The following MYRFL variants were observed in gnomAD, a reference collection of about 807,000 sequenced individuals.
MYRFL encodes the protein myelin regulatory factor-like protein.
A neutral mutation model predicts 109.4 loss-of-function variants in MYRFL; 88 were observed. The ratio of observed to expected loss-of-function variants is 0.80; its 90% CI spans 0.68 to 0.96. The LOEUF is 0.96. Ranked by LOEUF, MYRFL falls within the 40% of genes least tolerant of loss-of-function variation. The pLI is 0.00. For missense variants in MYRFL, 957 were observed against 954.9 expected, an observed-to-expected ratio of 1.00 and a Z score of -0.03; for synonymous variants, 324 against 320.9, an observed-to-expected ratio of 1.01 and a Z score of -0.10.
At chr12:69,903,240 C>T (rs532963517) in intron 10 of MYRFL, among the ~76,000 whole-genome samples, 2 of 152,132 alleles carry the variant, frequency 1.3e-5, no homozygotes, top group Non-Finnish European at 2.9e-5. Context: ...TTTTATTTAT[C>T]TGACTTTAGT....
intron 5 of MYRFL, among the ~76,000 whole-genome samples, chr12:69,880,949 C>CTGGTTTTT (rs1555246941): frequency 3.3e-5 from 1 of 30,230 alleles, no homozygotes; most frequent in African/African-American, 9.5e-5. Flanking sequence ...GTCAGCCTTC[C>CTGGTTTTT]TGTTTTTTTT....
In MYRFL at chr12:69,958,295, G is replaced by C; in HGVS notation, c.2618G>C (p.Ser873Thr). The C allele has an allele frequency of 6.5e-7, 1 of 1,536,400 alleles. No individual in the cohort carries two copies. The highest frequency in any genetic ancestry group is 8.7e-7 in the Non-Finnish European group (1 of 1,146,962). Reference sequence around the variant, plus strand: ...CTCCCTGTAGCCCCATTTTCTGACAGCATGTTCCATTTCCGTGTAGCTGCA... The same window carrying C: ...CTCCCTGTAGCCCCATTTTCTGACACCATGTTCCATTTCCGTGTAGCTGCA... Reference protein sequence around the residue: ...WSLPVAPFSDSMFHFRVAAPD... With the variant: ...WSLPVAPFSDTMFHFRVAAPD... Residue 873 changes from serine to threonine, a missense_variant, in exon 24 of 25, where the codon AGC becomes ACC. Transcript: ENST00000552032.
rs534440987 is a variant in MYRFL at position 69,845,003 on chromosome 12, G to A, written c.47-10277G>A. 3.3e-5 allele frequency among the ~76,000 whole-genome samples: 5 copies of A among 152,050 alleles called. No homozygotes were observed. The East Asian group carries it at 9.7e-4, about 29-fold the overall frequency. ...CCATGCTCCTGTGCTCTAACCCATTGGATGATTTGTTTCTTGCTACTGCCA... is the reference window on the plus strand; with the variant it reads ...CCATGCTCCTGTGCTCTAACCCATTAGATGATTTGTTTCTTGCTACTGCCA... On this transcript the variant is annotated intron_variant, in intron 1 of 24. Transcript: ENST00000552032.
At chr12:69,942,437 C>T (rs1469744249) in intron 19 of MYRFL, among the ~76,000 whole-genome samples, 1 of 150,578 alleles carries the variant, frequency 6.6e-6, no homozygotes, top group Admixed American at 6.6e-5. Context: ...ACAAAAACCA[C>T]ATGATTATCT....
intron 13 of MYRFL, among the ~76,000 whole-genome samples, chr12:69,923,489 A>T (rs915930927): frequency 6.6e-6 from 1 of 152,142 alleles, no homozygotes; most frequent in Non-Finnish European, 1.5e-5. Context: ...TAGATTTGCT[A>T]GGGTTTTACT....
intron 2 of MYRFL, among the ~76,000 whole-genome samples, chr12:69,864,569 T>C (rs1160365991): frequency 6.6e-6 from 1 of 152,000 alleles, no homozygotes; most frequent in Non-Finnish European, 1.5e-5. Flanking sequence ...TATTACTCTC[T>C]GCCAAGAGAA....
intron 2 of MYRFL, among the ~76,000 whole-genome samples, chr12:69,861,828 C>G (rs1289362964): frequency 2.0e-5 from 3 of 150,830 alleles, no homozygotes; most frequent in Non-Finnish European, 4.5e-5. Flanking sequence ...TTGCCCATGC[C>G]TATGTCCTGA....
At chr12:69,932,414 G>A in intron 15 of MYRFL, 99 bp from the exon 16 acceptor site, 1 of 751,444 alleles carries the variant, frequency 1.3e-6, no homozygotes, top group Non-Finnish European at 2.2e-6. Flanking sequence ...ACTATCCCAA[G>A]AGAGCAGCAA....
chr12:69,909,693 A>T, intron 11 of MYRFL, among the ~76,000 whole-genome samples: 1 of 152,312 alleles, frequency 6.6e-6, no homozygotes, highest in African/African-American at 2.4e-5. Context: ...CCGTAGTGAC[A>T]GTTGGGACAG....
intron 8 of MYRFL, among the ~76,000 whole-genome samples, chr12:69,894,315 G>A (rs1887094786): frequency 6.6e-6 from 1 of 152,078 alleles, no homozygotes; most frequent in Admixed American, 6.5e-5. Flanking sequence ...TAGTATTAAT[G>A]TTAATATTAT....
Position 69,952,117 on chromosome 12 carries a change from C to CA in MYRFL, c.2233dup (p.Ser745LysfsTer14). The CA allele has an allele frequency of 6.5e-7, 1 of 1,536,060 alleles. No individual in the cohort carries two copies. The highest frequency in any genetic ancestry group is 8.7e-7 in the Non-Finnish European group (1 of 1,146,862). On this transcript the variant is annotated frameshift_variant, in exon 20 of 25. Coordinates refer to ENST00000552032, the MANE Select transcript of MYRFL (RefSeq NM_182530.3). LOFTEE classifies it high-confidence loss of function. Reference sequence around the variant, plus strand: ...ACAGACTTGTTTCCTTTTCAGAAGACAAAAGCAAATCAGTTTTGGCAAGAA... The same window carrying CA: ...ACAGACTTGTTTCCTTTTCAGAAGACAAAAAGCAAATCAGTTTTGGCAAGAA...
intron 4 of MYRFL, among the ~76,000 whole-genome samples, chr12:69,879,719 C>T (rs562465893): frequency 6.6e-6 from 1 of 152,316 alleles, no homozygotes; most frequent in Admixed American, 6.5e-5. Flanking sequence ...GAGGAAACAC[C>T]GTAAGCTTAT....
At chr12:69,845,763 C>A (rs1883489397) in intron 1 of MYRFL, among the ~76,000 whole-genome samples, 1 of 133,292 alleles carries the variant, frequency 7.5e-6, no homozygotes, top group African/African-American at 2.9e-5. Context: ...GAAAGAAAAA[C>A]TTTATGACTT....
chr12:69,902,785 A>T (rs1424060308), intron 10 of MYRFL, among the ~76,000 whole-genome samples: 1 of 152,270 alleles, frequency 6.6e-6, no homozygotes. Context: ...GCAGTGGAAC[A>T]TTCTTTGACA....
At chr12:69,874,350 A>G (rs35345627) in intron 2 of MYRFL, among the ~76,000 whole-genome samples, 10,302 of 152,012 alleles carry the variant, frequency 0.068, 909 homozygotes, top group African/African-American at 0.2. Flanking sequence ...GCTAATTTTA[A>G]TATTTTTTGT....
chr12:69,911,276 A>G (rs1954560478), intron 13 of MYRFL, among the ~76,000 whole-genome samples: 1 of 152,174 alleles, frequency 6.6e-6, no homozygotes. Flanking sequence ...TTTTAATTAG[A>G]CTTCATCTTT....
Position 69,879,375 on chromosome 12 carries a change from C to T in MYRFL, c.386C>T (p.Thr129Ile). 1 of 702,938 alleles carries T rather than the reference C, an allele frequency of 1.4e-6. No homozygotes were observed. Among genetic ancestry groups the T allele is most frequent in the African/African-American group, 1.7e-5 (1 of 57,398 alleles). 43.5% of individuals were successfully genotyped at this position (702,938 alleles called of 1,614,324 possible). The change falls in exon 4 of 25, where the codon ACC becomes ATC. Residue 129 changes from threonine to isoleucine, a missense_variant. Thr to Ile is a moderately conservative substitution (Grantham distance 89). Coordinates refer to ENST00000552032, the MANE Select transcript of MYRFL (RefSeq NM_182530.3). Reference protein sequence around the residue: ...SCHSNASHLATPLDQSVSSHL... With the variant: ...SCHSNASHLAIPLDQSVSSHL... ...CACTCAAACGCCAGTCATCTTGCCACCCCCCTGGACCAATCCGTGTCCTCC... is the reference window on the plus strand; with the variant it reads ...CACTCAAACGCCAGTCATCTTGCCATCCCCCTGGACCAATCCGTGTCCTCC...
chr12:69,848,407 A>C (rs1362936957), intron 1 of MYRFL, among the ~76,000 whole-genome samples: 2 of 151,974 alleles, frequency 1.3e-5, no homozygotes, highest in African/African-American at 4.8e-5. Flanking sequence ...TTTTTATCCA[A>C]ACAAAATATG....
At chr12:69,854,310 G>T (rs1046475430) in intron 1 of MYRFL, among the ~76,000 whole-genome samples, 4 of 151,462 alleles carry the variant, frequency 2.6e-5, no homozygotes, top group Non-Finnish European at 5.9e-5. Flanking sequence ...GTCCAGCCTC[G>T]GCTGGGCATC....
Sources: gnomAD v4.1 joint callset for allele counts (sites outside exome capture counted in the v4.1 genomes callset) on GRCh38, gnomAD v4.1.1 for gene constraint, MANE v1.5 for transcripts, NCBI Gene and HGNC (gene_info 2026-07-23, HGNC 2026-07-21) for gene names.